Variants in FBN3 observed in about 807,000 individuals in gnomAD.
FBN3 encodes fibrillin-3.
In FBN3, 234 loss-of-function variants were observed where a neutral mutation model predicts 330.1. The observed-to-expected ratio is 0.71, with a 90% CI of 0.64 to 0.79. FBN3 has a LOEUF of 0.79. Among genes scored for constraint, FBN3 ranks in the 30% least tolerant of loss-of-function variants. FBN3 has a pLI of 0.00. For synonymous variants in FBN3, 1,458 were observed against 1,517.3 expected (o/e 0.96, Z 0.91); for missense variants, 3,606 against 3,886.9 (o/e 0.93, Z 1.92).
Position 8,123,784 on chromosome 19 carries a change from C to CTGCACA in FBN3, c.2955_2956insTGTGCA (p.Lys985_Asp986insCysAla). On this transcript the variant is annotated inframe_insertion and splice_region_variant, in exon 23 of 64. Coordinates refer to ENST00000600128, the MANE Select transcript of FBN3 (RefSeq NM_032447.5). ...GGCCTGACCCCTTCCCCAACCGCAC[C>CTGCACA]TTTATAGAATGGTCGGCCAGACAGG... The CTGCACA allele has an allele frequency of 3.1e-6, 5 of 1,613,222 alleles. No individual in the cohort carries two copies. The highest frequency in any genetic ancestry group is 4.2e-6 in the Non-Finnish European group (5 of 1,179,894).
chr19:8,108,715 T>A (rs2082505279), intron 36 of FBN3, among the ~76,000 whole-genome samples: 1 of 151,970 alleles, frequency 6.6e-6, no homozygotes, highest in South Asian at 2.1e-4. Flanking sequence ...TTCCCCCTAC[T>A]CTGCTAGGAA....
Position 8,108,194 on chromosome 19 carries a change from T to C in FBN3, c.4663A>G (p.Asn1555Asp), listed in dbSNP as rs377335755. 2 of 1,612,824 alleles carry C rather than the reference T, an allele frequency of 1.2e-6. No homozygotes were observed. The highest frequency in any genetic ancestry group is 1.7e-6 in the Non-Finnish European group (2 of 1,179,634). ...LCPGGEGFQP[N>D]RITVILEDID... ...CCTTCCAGAATGACAGTGATGCGGTTAGGCTGGAAGCCCTCACCACCCGGG... is the reference window on the plus strand; with the variant it reads ...CCTTCCAGAATGACAGTGATGCGGTCAGGCTGGAAGCCCTCACCACCCGGG... The change falls in exon 37 of 64, where the codon AAC becomes GAC. Residue 1555 changes from asparagine to aspartate, a missense_variant. Transcript: ENST00000600128.
intron 8 of FBN3, among the ~76,000 whole-genome samples, chr19:8,141,131 C>T (rs113683522): frequency 7.1e-6 from 1 of 140,726 alleles, no homozygotes; most frequent in Non-Finnish European, 1.5e-5. Context: ...GGAGGCGGAG[C>T]TTGCAGTGAG....
At chr19:8,139,703 C>G (rs2083369340) in intron 8 of FBN3, among the ~76,000 whole-genome samples, 1 of 151,994 alleles carries the variant, frequency 6.6e-6, no homozygotes, top group Non-Finnish European at 1.5e-5. Context: ...TGAGAACCAC[C>G]AACACTCTTC....
rs949082539 is a variant in FBN3 at position 8,126,824 on chromosome 19, C to T, written c.2305G>A (p.Glu769Lys). Residue 769 changes from glutamate to lysine, a missense_variant, in exon 19 of 64, where the codon GAA (glutamate) becomes AAA (lysine). Glu to Lys is a moderately conservative substitution (Grantham distance 56). Coordinates refer to ENST00000600128, the MANE Select transcript of FBN3 (RefSeq NM_032447.5). ...QDTEICKDVD[E>K]CLSSPCVSGV... ...CTCACACACGGGCTGGACAGGCATT[C>T]GTCGACATCTGTGGGGACAGCCCCC... 1.3e-6 allele frequency: 2 copies of T among 1,561,064 alleles called. No homozygotes were observed. Among genetic ancestry groups the T allele is most frequent in the African/African-American group, 2.7e-5 (2 of 72,968 alleles).
rs2082998795 is a variant in FBN3, at chr19:8,126,775, C to T, written c.2354G>A (p.Gly785Asp). The T allele has an allele frequency of 6.3e-7, 1 of 1,594,278 alleles. No individual in the cohort carries two copies. The highest frequency in any genetic ancestry group is 8.5e-7 in the Non-Finnish European group (1 of 1,171,344). ...CVSGVCRNLAGSYTCKCGPGS... is the reference protein window; with the variant it reads ...CVSGVCRNLADSYTCKCGPGS... Reference sequence around the variant, plus strand: ...AGGGCCACATTTGCAGGTGTAGGAGCCGGCCAGGTTCCGACAGACGCCACT... The same window carrying T: ...AGGGCCACATTTGCAGGTGTAGGAGTCGGCCAGGTTCCGACAGACGCCACT... Residue 785 changes from glycine (G) to aspartate (D), a missense_variant, in exon 19 of 64, where the codon GGC becomes GAC. Physicochemically the swap from Gly to Asp is moderately conservative, Grantham distance 94. Coordinates refer to ENST00000600128, the MANE Select transcript of FBN3 (RefSeq NM_032447.5).
chr19:8,135,936 G>GGGGGGGGGGGGCCCCCCCCCCCCCCCCCC, intron 13 of FBN3, 25 bp downstream of exon 13: 1 of 668,762 alleles, frequency 1.5e-6, no homozygotes, highest in Non-Finnish European at 2.4e-6. Flanking sequence ...GGAAGCCCCT[G>GGGGGGGGGGGGCCCCCCCCCCCCCCCCCC]CCCACCCGCC....
intron 61 of FBN3, among the ~76,000 whole-genome samples, chr19:8,073,653 C>T (rs955086017): frequency 4.5e-4 from 69 of 152,214 alleles, no homozygotes; most frequent in Admixed American, 4.1e-3. Flanking sequence ...GGCTTCCACC[C>T]GCTTGACACC....
intron 26 of FBN3, 125 bp downstream of exon 26, chr19:8,118,771 AT>A: frequency 8.5e-7 from 1 of 1,176,940 alleles, no homozygotes; most frequent in Non-Finnish European, 1.2e-6. Context: ...ACACATAGGT[AT>A]GGCCTCAGAA....
At chr19:8,086,613 C>T (rs950714870) in intron 54 of FBN3, among the ~76,000 whole-genome samples, 2 of 124,010 alleles carry the variant, frequency 1.6e-5, no homozygotes, top group Non-Finnish European at 3.4e-5. Context: ...CCCGCCGCCA[C>T]GCCCAGCTAT....
chr19:8,075,239 C>A, intron 60 of FBN3, 44 bp downstream of exon 60: 1 of 1,583,832 alleles, frequency 6.3e-7, no homozygotes, highest in Non-Finnish European at 8.6e-7. Flanking sequence ...GCTCTCAGGA[C>A]CAACACCCCC....
chr19:8,136,627 A>C, intron 10 of FBN3, 96 bp from the exon 11 acceptor site: 1 of 1,518,170 alleles, frequency 6.6e-7, no homozygotes, highest in Non-Finnish European at 9.0e-7. Flanking sequence ...TACCCCCTCT[A>C]AGGCTGGGAC....
At chr19:8,072,005 C>T (rs752718098) in intron 63 of FBN3, 43 bp downstream of exon 63, 2 of 1,582,704 alleles carry the variant, frequency 1.3e-6, no homozygotes, top group Non-Finnish European at 1.7e-6. Flanking sequence ...CCCACACTCA[C>T]CCATTCCCTG....
In FBN3 at chr19:8,086,113, T is replaced by TG. The variant is rs1350993888; in HGVS notation, c.6880+86dup. On this transcript the variant is annotated intron_variant, in intron 55 of 63. Transcript: ENST00000600128. ...GACAGGGAGTGAAGGGGGCAGGCAGTGGGGGGAACAGGCAGTGGGGGGGGA... is the reference window on the plus strand; with the variant it reads ...GACAGGGAGTGAAGGGGGCAGGCAGTGGGGGGGAACAGGCAGTGGGGGGGGA... The TG allele has an allele frequency of 7.1e-5, 46 of 650,442 alleles. No homozygotes were observed. The African/African-American group carries it at 9.6e-4, about 14-fold the overall frequency. 40.3% of individuals were successfully genotyped at this position (650,442 alleles called of 1,614,324 possible). A position where few individuals can be genotyped will look rare whatever the true frequency, so the allele number is the denominator to read the frequency against.
chr19:8,145,680 C>CAAAAAA (rs56250248), intron 5 of FBN3, among the ~76,000 whole-genome samples, 163 bp downstream of exon 5: 2 of 108,736 alleles, frequency 1.8e-5, no homozygotes, highest in African/African-American at 3.6e-5. Context: ...GACTCTGTCT[C>CAAAAAA]AAAAAAAAAA....
In FBN3 at chr19:8,143,138, G is replaced by A. The variant is rs60558810; in HGVS notation, c.542-1001C>T. The stretch of plus-strand genomic sequence containing the variant: ...CTCTTTCTCAGCCTCCTGTGGGCTC[G>A]GTTTTTTCTGTCCAGGCTTAAATGC... On this transcript the variant is annotated intron_variant, in intron 6 of 63. Transcript: ENST00000600128. 5.6e-4 allele frequency among the ~76,000 whole-genome samples: 85 copies of A among 151,984 alleles called. 1 individual carries two copies. The highest frequency in any genetic ancestry group is 2.0e-3 in the African/African-American group (81 of 41,454).
Position 8,142,050 on chromosome 19 carries a change from C to T in FBN3, c.629G>A (p.Cys210Tyr), listed in dbSNP as rs1277778381. The T allele has an allele frequency of 1.2e-6, 2 of 1,614,038 alleles. No homozygotes were observed. The highest frequency in any genetic ancestry group is 1.7e-6 in the Non-Finnish European group (2 of 1,180,022). ...CCAGGCACGGCCCACAGTGGCACAG[C>T]AAAGTGCCTTGGTGCACACGAGGCC... is the stretch of plus-strand genomic sequence containing the variant. Reference protein sequence around the residue: ...LTGLVCTKALCCATVGRAWGL... With the variant: ...LTGLVCTKALYCATVGRAWGL... The change falls in exon 7 of 64, where the codon TGC becomes TAC. Residue 210 changes from cysteine (C) to tyrosine (Y), a missense_variant. Physicochemically the swap from Cys to Tyr is radical, Grantham distance 194. Transcript: ENST00000600128.
At chr19:8,088,422 T>C (rs2082016948) in intron 51 of FBN3, among the ~76,000 whole-genome samples, 2 of 150,676 alleles carry the variant, frequency 1.3e-5, no homozygotes, top group Admixed American at 1.3e-4. Flanking sequence ...AAGAAGTGAA[T>C]GAATGAGCCA....
chr19:8,079,949 A>G (rs2081736716), intron 59 of FBN3, among the ~76,000 whole-genome samples: 1 of 152,094 alleles, frequency 6.6e-6, no homozygotes. Context: ...TGCTAGAAGG[A>G]AAGTTCCATG....
Sources: allele counts gnomAD v4.1 joint callset (sites outside exome capture counted in the v4.1 genomes callset), GRCh38; gene constraint gnomAD v4.1.1; transcripts MANE v1.5; gene names NCBI Gene and HGNC (gene_info 2026-07-23, HGNC 2026-07-21).